RABGAP1L: variants seen among roughly 807,000 people sequenced by gnomAD.
RABGAP1L encodes RAB GTPase activating protein 1 like.
RABGAP1L carries 63 observed loss-of-function variants against 137.7 expected under a neutral mutation model. The ratio of observed to expected loss-of-function variants is 0.46; its 90% CI spans 0.37 to 0.56. The LOEUF (loss-of-function observed/expected upper bound fraction) is 0.56, where lower values mean the gene tolerates loss of function less well. Ranked by LOEUF, RABGAP1L falls within the 20% of genes least tolerant of loss-of-function variation. The pLI is 0.00. For synonymous variants in RABGAP1L, 431 were observed against 433.7 expected, an observed-to-expected ratio of 0.99 and a Z score of 0.08; for missense variants, 1,095 against 1,244.0, an observed-to-expected ratio of 0.88 and a Z score of 1.80.
At chr1:174,336,907 GAA>G (rs76136538) in intron 11 of RABGAP1L, among the ~76,000 whole-genome samples, 3 of 150,610 alleles carry the variant, frequency 2.0e-5, no homozygotes, top group Non-Finnish European at 3.0e-5. Flanking sequence ...GAAAGAGAGA[GAA>G]AGAATGGAGG....
intron 14 of RABGAP1L, among the ~76,000 whole-genome samples, chr1:174,675,808 C>T (rs1409216778): frequency 6.6e-6 from 1 of 152,178 alleles, no homozygotes; most frequent in Non-Finnish European, 1.5e-5. Context: ...AGCTCTCATG[C>T]TTCTCCTAAT....
chr1:174,734,059 G>C (rs961309981), intron 17 of RABGAP1L, among the ~76,000 whole-genome samples: 16 of 152,216 alleles, frequency 1.1e-4, no homozygotes, highest in African/African-American at 3.4e-4. Flanking sequence ...TATGCAACTA[G>C]AGGAATGCAC....
intron 13 of RABGAP1L, among the ~76,000 whole-genome samples, chr1:174,444,589 G>C (rs765456273): frequency 6.6e-6 from 1 of 151,956 alleles, no homozygotes; most frequent in Non-Finnish European, 1.5e-5. Flanking sequence ...TCTTTGATGG[G>C]AGACTTTTTA....
intron 13 of RABGAP1L, among the ~76,000 whole-genome samples, chr1:174,441,952 A>T (rs1276006834): frequency 6.6e-6 from 1 of 151,844 alleles, no homozygotes; most frequent in Non-Finnish European, 1.5e-5. Flanking sequence ...ATGTGCAATT[A>T]TCAATTATTT....
At chr1:174,958,925 G>A (rs912967708) in intron 20 of RABGAP1L, among the ~76,000 whole-genome samples, 1 of 152,190 alleles carries the variant, frequency 6.6e-6, no homozygotes, top group Non-Finnish European at 1.5e-5. Context: ...TGTATGTTAA[G>A]GACTCAGCTC....
chr1:174,213,787 A>T (rs1456876755), intron 1 of RABGAP1L, among the ~76,000 whole-genome samples: 1 of 152,248 alleles, frequency 6.6e-6, no homozygotes, highest in Non-Finnish European at 1.5e-5. Flanking sequence ...AAAACATTCA[A>T]CATCGCTTCG....
chr1:174,903,633 G>A (rs1053644202), intron 19 of RABGAP1L, among the ~76,000 whole-genome samples: 1 of 151,772 alleles, frequency 6.6e-6, no homozygotes, highest in Non-Finnish European at 1.5e-5. Flanking sequence ...TATAACACTG[G>A]ATATAGGTGG....
chr1:174,386,697 C>T (rs901473059), intron 12 of RABGAP1L, among the ~76,000 whole-genome samples: 12 of 151,942 alleles, frequency 7.9e-5, no homozygotes, highest in Non-Finnish European at 1.0e-4. Flanking sequence ...TTAGTAGAGA[C>T]GGAGTTTCAC....
At chr1:174,321,355 A>G (rs1462158951) in intron 11 of RABGAP1L, among the ~76,000 whole-genome samples, 2 of 152,096 alleles carry the variant, frequency 1.3e-5, no homozygotes, top group East Asian at 1.9e-4. Context: ...CCCTTGAAGC[A>G]TGTGATCTCT....
intron 12 of RABGAP1L, among the ~76,000 whole-genome samples, chr1:174,380,570 T>A (rs1429641806): frequency 6.6e-6 from 1 of 152,144 alleles, no homozygotes; most frequent in Admixed American, 6.5e-5. Context: ...TCTAGTTTAT[T>A]TGCGTAGAGG....
intron 13 of RABGAP1L, among the ~76,000 whole-genome samples, chr1:174,526,905 G>A (rs1663922967): frequency 2.0e-5 from 3 of 151,962 alleles, no homozygotes; most frequent in Admixed American, 2.0e-4. Flanking sequence ...GTTCCTTGAG[G>A]CATATTGTCA....
chr1:174,759,600 A>G lies in RABGAP1L; in HGVS notation c.2211+7246A>G, dbSNP rs13374531. ...ACAGAGTGAGACTCTGTCTCCAAAA[A>G]AAAAAAAAGAAAAAAAATGGTTTTA... On this transcript the variant is annotated intron_variant, in intron 18 of 25. Transcript: ENST00000681986. Among the ~76,000 whole-genome samples, 1,439 of 152,090 alleles carry G rather than the reference A, an allele frequency of 9.5e-3. 25 individuals carry two copies. Among genetic ancestry groups the G allele is most frequent in the African/African-American group, 0.033 (1,380 of 41,488 alleles).
intron 18 of RABGAP1L, among the ~76,000 whole-genome samples, chr1:174,756,364 G>A (rs1684757093): frequency 6.6e-6 from 1 of 152,022 alleles, no homozygotes; most frequent in African/African-American, 2.4e-5. Context: ...TGGCCAGGCT[G>A]GTCTCGAACT....
chr1:174,327,395 G>T (rs1279144917), intron 11 of RABGAP1L, among the ~76,000 whole-genome samples: 1 of 151,992 alleles, frequency 6.6e-6, no homozygotes, highest in African/African-American at 2.4e-5. Context: ...GAGAGCAATG[G>T]AGTTAGTGTT....
At chr1:174,854,230 C>T (rs1648870790) in intron 19 of RABGAP1L, among the ~76,000 whole-genome samples, 2 of 152,118 alleles carry the variant, frequency 1.3e-5, no homozygotes, top group Non-Finnish European at 2.9e-5. Flanking sequence ...AGATTTGTCA[C>T]AGTAATAATA....
intron 13 of RABGAP1L, among the ~76,000 whole-genome samples, chr1:174,441,632 G>C (rs1413871673): frequency 2.0e-5 from 3 of 152,162 alleles, no homozygotes; most frequent in African/African-American, 2.4e-5. Context: ...CACTTGGGAG[G>C]CTGAAGCAGG....
intron 19 of RABGAP1L, among the ~76,000 whole-genome samples, chr1:174,903,413 A>G (rs1326090229): frequency 6.6e-6 from 1 of 152,224 alleles, no homozygotes; most frequent in African/African-American, 2.4e-5. Context: ...TTTAATACAG[A>G]TAATGCATTT....
chr1:174,674,987 A>G (rs1677499563), intron 14 of RABGAP1L, among the ~76,000 whole-genome samples: 1 of 152,116 alleles, frequency 6.6e-6, no homozygotes, highest in East Asian at 1.9e-4. Flanking sequence ...TCTGGATATT[A>G]GCCCTTTGTC....
In RABGAP1L at chr1:174,212,139, G is replaced by A. The variant is rs562491173; in HGVS notation, c.-33-6986G>A. Among the ~76,000 whole-genome samples the A allele has an allele frequency of 2.0e-5, 3 of 152,116 alleles. No homozygotes were observed. The South Asian group carries it at 6.2e-4, about 32-fold the overall frequency. On this transcript the variant is annotated intron_variant, in intron 1 of 25. Coordinates refer to ENST00000681986, the MANE Select transcript of RABGAP1L (RefSeq NM_001366446.1). ...TATAGACCAAATGGACCTCATAGAT[G>A]TTTATAGAACATTTAATCCAATGAC...
Sources: gnomAD v4.1 joint callset for allele counts (sites outside exome capture counted in the v4.1 genomes callset) on GRCh38, gnomAD v4.1.1 for gene constraint, MANE v1.5 for transcripts, NCBI Gene and HGNC (gene_info 2026-07-23, HGNC 2026-07-21) for gene names.